Variants in PCED1B observed in about 807,000 individuals in gnomAD.
The protein encoded by PCED1B is PC-esterase domain-containing protein 1B.
For missense variants in PCED1B, 573 were observed against 573.9 expected, an observed-to-expected ratio of 1.00 and a Z score of 0.02; for synonymous variants, 251 against 246.1, an observed-to-expected ratio of 1.02 and a Z score of -0.19.
rs140225550 is a variant in PCED1B, at chr12:47,162,220, C to A, written c.-525-54002C>A. On this transcript the variant is annotated intron_variant, in intron 2 of 3. Coordinates refer to ENST00000546455, the MANE Select transcript of PCED1B (RefSeq NM_138371.3). ...CGCAGATGTATACATATGTAACAAA[C>A]CTGCACATTGTGCACATGTACCCTA... 4.2e-3 allele frequency among the ~76,000 whole-genome samples: 645 copies of A among 151,868 alleles called. 2 individuals are homozygous for A. Among genetic ancestry groups the A allele is most frequent in the South Asian group, 5.0e-3 (24 of 4,806 alleles).
intron 2 of PCED1B, among the ~76,000 whole-genome samples, chr12:47,193,973 C>T (rs1942523983): frequency 6.6e-6 from 1 of 152,190 alleles, no homozygotes; most frequent in African/African-American, 2.4e-5. Flanking sequence ...TTCCTGCCTA[C>T]CTCCCTTGGC....
intron 2 of PCED1B, among the ~76,000 whole-genome samples, chr12:47,111,645 G>T (rs1939201114): frequency 6.6e-6 from 1 of 151,914 alleles, no homozygotes; most frequent in Admixed American, 6.6e-5. Flanking sequence ...CTGTGAGTTT[G>T]TCTCCTGTAG....
At chr12:47,231,923 C>T (rs1285269553) in intron 3 of PCED1B, among the ~76,000 whole-genome samples, 1 of 152,156 alleles carries the variant, frequency 6.6e-6, no homozygotes, top group Non-Finnish European at 1.5e-5. Flanking sequence ...ACTTTGGAGA[C>T]TTGAGTCTAG....
At position 47,109,634 on chromosome 12, in the gene PCED1B, A is replaced by G. The variant is rs1939105187; in HGVS notation, c.-526+5439A>G. 2.0e-5 allele frequency among the ~76,000 whole-genome samples: 3 copies of G among 152,314 alleles called. No individual in the cohort carries two copies. In the East Asian group the frequency reaches 5.8e-4, roughly 29 times the overall value. Reference sequence around the variant, plus strand: ...CTATAAAATTCCATATGTGGAAATAATGTGTTCCCTCATATTTATCTCTAT... The same window carrying G: ...CTATAAAATTCCATATGTGGAAATAGTGTGTTCCCTCATATTTATCTCTAT... On this transcript the variant is annotated intron_variant, in intron 2 of 3. Coordinates refer to ENST00000546455, the MANE Select transcript of PCED1B (RefSeq NM_138371.3).
intron 2 of PCED1B, among the ~76,000 whole-genome samples, chr12:47,168,941 A>C (rs1941631036): frequency 6.6e-6 from 1 of 152,224 alleles, no homozygotes; most frequent in African/African-American, 2.4e-5. Flanking sequence ...TAAATACTCC[A>C]TGAACATGCA....
chr12:47,185,449 C>T (rs952674776), intron 2 of PCED1B, among the ~76,000 whole-genome samples: 5 of 152,154 alleles, frequency 3.3e-5, no homozygotes, highest in Admixed American at 1.3e-4. Flanking sequence ...AAATAATTAC[C>T]TTTTCTGTAC....
chr12:47,178,282 A>G (rs1420480814), intron 2 of PCED1B, among the ~76,000 whole-genome samples: 1 of 152,218 alleles, frequency 6.6e-6, no homozygotes, highest in African/African-American at 2.4e-5. Context: ...CAGGAAGTGC[A>G]GCGGGAGGAG....
chr12:47,150,443 T>G (rs970495797), intron 2 of PCED1B, among the ~76,000 whole-genome samples: 1 of 151,340 alleles, frequency 6.6e-6, no homozygotes, highest in Non-Finnish European at 1.5e-5. Flanking sequence ...CTGGGCACAG[T>G]GGTGCGTGCC....
chr12:47,178,592 G>A (rs752457956), intron 2 of PCED1B, among the ~76,000 whole-genome samples: 13 of 152,012 alleles, frequency 8.6e-5, no homozygotes, highest in Non-Finnish European at 1.8e-4. Flanking sequence ...GATGAGGCCA[G>A]GCGCGGTGGT....
chr12:47,178,640 G>A (rs1941999964), intron 2 of PCED1B, among the ~76,000 whole-genome samples: 1 of 152,020 alleles, frequency 6.6e-6, no homozygotes, highest in Admixed American at 6.6e-5. Flanking sequence ...AGGCTGAGGT[G>A]GGCAAATCAC....
intron 1 of PCED1B, among the ~76,000 whole-genome samples, chr12:47,084,336 T>A (rs1454175720): frequency 6.6e-6 from 1 of 152,246 alleles, no homozygotes; most frequent in African/African-American, 2.4e-5. Flanking sequence ...TGGTTTCTAC[T>A]GAATGTGTAT....
intron 2 of PCED1B, among the ~76,000 whole-genome samples, chr12:47,164,434 A>C (rs1592224608): frequency 6.6e-6 from 1 of 152,256 alleles, no homozygotes; most frequent in East Asian, 1.9e-4. Flanking sequence ...TTAGTGCTCC[A>C]AAATAATCTT....
At chr12:47,088,510 G>C (rs544837484) in intron 1 of PCED1B, among the ~76,000 whole-genome samples, 1 of 152,324 alleles carries the variant, frequency 6.6e-6, no homozygotes, top group East Asian at 1.9e-4. Context: ...ACCTTTAGTA[G>C]AGAGTGAGGG....
intron 2 of PCED1B, among the ~76,000 whole-genome samples, chr12:47,183,809 T>A (rs1942169942): frequency 6.6e-6 from 1 of 152,218 alleles, no homozygotes; most frequent in South Asian, 2.1e-4. Context: ...AACTTTTTTT[T>A]ATGTTTTAAT....
intron 2 of PCED1B, among the ~76,000 whole-genome samples, chr12:47,166,224 C>T (rs770172151): frequency 3.3e-5 from 5 of 152,156 alleles, no homozygotes; most frequent in East Asian, 1.9e-4. Flanking sequence ...CAAACCCAGA[C>T]GGTCTAATCA....
chr12:47,227,171 T>C lies in PCED1B; in HGVS notation c.-57-7836T>C, dbSNP rs530489558. Among the ~76,000 whole-genome samples, 127 of 152,230 alleles carry C rather than the reference T, an allele frequency of 8.3e-4. 3 individuals carry two copies. In the South Asian group the frequency reaches 0.025, roughly 30 times the overall value. On this transcript the variant is annotated intron_variant, in intron 3 of 3. Coordinates refer to ENST00000546455, the MANE Select transcript of PCED1B (RefSeq NM_138371.3). ...GTTTGTTTGTTTTGTTTTGTTTTTG[T>C]TTTTGTTTTTGAGGCAGAGTCTCGC... is the stretch of plus-strand genomic sequence containing the variant.
intron 3 of PCED1B, among the ~76,000 whole-genome samples, chr12:47,221,539 TAAAAC>T (rs1358012847): frequency 6.6e-6 from 1 of 152,072 alleles, no homozygotes; most frequent in Non-Finnish European, 1.5e-5. Context: ...TCTTCACAAT[TAAAAC>T]AAAACCAGTC....
intron 2 of PCED1B, among the ~76,000 whole-genome samples, chr12:47,184,799 T>C (rs1942204074): frequency 1.3e-5 from 2 of 152,202 alleles, no homozygotes; most frequent in Non-Finnish European, 2.9e-5. Context: ...TCCAGATCTA[T>C]GAAAATTTTA....
intron 2 of PCED1B, among the ~76,000 whole-genome samples, chr12:47,170,584 T>C (rs1382261248): frequency 6.6e-6 from 1 of 152,266 alleles, no homozygotes; most frequent in Non-Finnish European, 1.5e-5. Flanking sequence ...GCTTAAATTC[T>C]GCCCACCTGG....
Sources: gnomAD v4.1 joint callset for allele counts (sites outside exome capture counted in the v4.1 genomes callset) on GRCh38, gnomAD v4.1.1 for gene constraint, MANE v1.5 for transcripts, NCBI Gene and HGNC (gene_info 2026-07-23, HGNC 2026-07-21) for gene names.